The following SLC10A7 variants were observed in gnomAD, a reference collection of about 807,000 sequenced individuals.
The protein encoded by SLC10A7 is sodium/bile acid cotransporter 7.
Under a neutral mutation model 43.2 loss-of-function variants are expected in SLC10A7, and 29 were observed. That is an observed-to-expected ratio of 0.67 (90% CI 0.50 to 0.92). The LOEUF is 0.92. Among genes scored for constraint, SLC10A7 ranks in the 40% least tolerant of loss-of-function variants. SLC10A7 has a pLI of 0.00. For missense variants in SLC10A7, 295 were observed against 403.2 expected, an observed-to-expected ratio of 0.73 and a Z score of 2.30; for synonymous variants, 152 against 144.8, an observed-to-expected ratio of 1.05 and a Z score of -0.35.
At chr4:146,359,447 A>ACC (rs1446560068) in intron 5 of SLC10A7, among the ~76,000 whole-genome samples, 2 of 152,090 alleles carry the variant, frequency 1.3e-5, no homozygotes, top group African/African-American at 4.8e-5. Context: ...TAAGATGTTC[A>ACC]CCTATGTTTT....
chr4:146,383,008 C>T (rs1737741450), intron 5 of SLC10A7, among the ~76,000 whole-genome samples: 1 of 151,956 alleles, frequency 6.6e-6, no homozygotes, highest in South Asian at 2.1e-4. Flanking sequence ...TGCATGGCTC[C>T]CCGATTTTCT....
At chr4:146,264,399 T>C (rs1431590596) in intron 10 of SLC10A7, among the ~76,000 whole-genome samples, 3 of 152,228 alleles carry the variant, frequency 2.0e-5, no homozygotes, top group Admixed American at 6.5e-5. Flanking sequence ...CAACATAAAA[T>C]GATCTACTTT....
At chr4:146,259,207 T>A (rs186948928) in intron 10 of SLC10A7, among the ~76,000 whole-genome samples, 25 of 152,272 alleles carry the variant, frequency 1.6e-4, no homozygotes, top group Middle Eastern at 3.4e-3. Context: ...TGCTTAGTAG[T>A]GAGATAGTCT....
intron 5 of SLC10A7, among the ~76,000 whole-genome samples, chr4:146,388,823 A>G (rs1560861101): frequency 6.6e-6 from 1 of 152,116 alleles, no homozygotes; most frequent in Non-Finnish European, 1.5e-5. Flanking sequence ...TCTTCTGGAC[A>G]TTGACATAGG....
chr4:146,343,935 TGTCA>T (rs1560817041), intron 5 of SLC10A7, among the ~76,000 whole-genome samples: 1 of 152,048 alleles, frequency 6.6e-6, no homozygotes, highest in Non-Finnish European at 1.5e-5. Flanking sequence ...TCTTCGAGTC[TGTCA>T]ATCAGAGAAG....
At chr4:146,304,070 CA>C (rs33923015) in intron 7 of SLC10A7, among the ~76,000 whole-genome samples, 94,760 of 119,568 alleles carry the variant, frequency 0.79, 38,852 homozygotes, top group African/African-American at 0.94. Flanking sequence ...TCATAGAAAA[CA>C]AAAAAAATCC....
chr4:146,380,862 T>C (rs908704435), intron 5 of SLC10A7, among the ~76,000 whole-genome samples: 2 of 152,172 alleles, frequency 1.3e-5, no homozygotes, highest in Admixed American at 6.6e-5. Context: ...ACGATGTTTA[T>C]CTTGATTCCC....
intron 9 of SLC10A7, among the ~76,000 whole-genome samples, 170 bp from the exon 10 acceptor site, chr4:146,283,435 C>G (rs911460679): frequency 6.6e-6 from 1 of 152,104 alleles, no homozygotes; most frequent in African/African-American, 2.4e-5. Flanking sequence ...TTTTAGAGAA[C>G]TACTTCTGAG....
intron 5 of SLC10A7, among the ~76,000 whole-genome samples, chr4:146,390,240 T>C (rs921961609): frequency 7.2e-5 from 11 of 152,206 alleles, no homozygotes; most frequent in African/African-American, 2.4e-4. Context: ...TTTTATGGTT[T>C]CAGTGACAGA....
chr4:146,356,711 C>G (rs1363270045), intron 5 of SLC10A7, among the ~76,000 whole-genome samples: 1 of 152,110 alleles, frequency 6.6e-6, no homozygotes, highest in Non-Finnish European at 1.5e-5. Flanking sequence ...TTACCTCTAT[C>G]CCCCAACTAA....
chr4:146,394,081 T>C (rs1472182742), intron 5 of SLC10A7, among the ~76,000 whole-genome samples: 1 of 152,222 alleles, frequency 6.6e-6, no homozygotes, highest in Non-Finnish European at 1.5e-5. Flanking sequence ...TATTCTGTAT[T>C]ATTTCAGGAA....
intron 4 of SLC10A7, among the ~76,000 whole-genome samples, chr4:146,445,072 T>TA (rs1730922524): frequency 6.6e-6 from 1 of 152,156 alleles, no homozygotes; most frequent in Admixed American, 6.5e-5. Flanking sequence ...TCCATGAACA[T>TA]GTTTCTATCC....
At chr4:146,293,566 C>A (rs75809616) in intron 8 of SLC10A7, among the ~76,000 whole-genome samples, 9,192 of 152,188 alleles carry the variant, frequency 0.06, 377 homozygotes, top group South Asian at 0.17. Context: ...ATATATTATA[C>A]ATCCTGTTTT....
chr4:146,433,853 A>G (rs1270012241), intron 5 of SLC10A7, among the ~76,000 whole-genome samples: 1 of 152,172 alleles, frequency 6.6e-6, no homozygotes, highest in Non-Finnish European at 1.5e-5. Context: ...CCCTGTCTCA[A>G]AAAAATAAAG....
At chr4:146,269,413 C>T (rs953052458) in intron 10 of SLC10A7, among the ~76,000 whole-genome samples, 9 of 152,142 alleles carry the variant, frequency 5.9e-5, no homozygotes, top group African/African-American at 1.9e-4. Context: ...GGGGTCACCA[C>T]GTTTATGGAG....
At chr4:146,489,650 A>C (rs1735219589) in intron 4 of SLC10A7, among the ~76,000 whole-genome samples, 1 of 152,142 alleles carries the variant, frequency 6.6e-6, no homozygotes, top group Admixed American at 6.5e-5. Context: ...TGCCTTCTAG[A>C]ATTGTGCATC....
intron 5 of SLC10A7, among the ~76,000 whole-genome samples, chr4:146,337,332 T>C (rs903102499): frequency 2.0e-5 from 3 of 152,048 alleles, no homozygotes; most frequent in Non-Finnish European, 4.4e-5. Context: ...GCCTCCACCA[T>C]GGGCACACAG....
At chr4:146,399,317 C>A (rs1257197572) in intron 5 of SLC10A7, among the ~76,000 whole-genome samples, 1 of 152,050 alleles carries the variant, frequency 6.6e-6, no homozygotes, top group African/African-American at 2.4e-5. Flanking sequence ...ACAGGGCTTA[C>A]TGGTTGGGAT....
At chr4:146,373,990 T>C (rs1736979917) in intron 5 of SLC10A7, among the ~76,000 whole-genome samples, 1 of 152,168 alleles carries the variant, frequency 6.6e-6, no homozygotes, top group South Asian at 2.1e-4. Context: ...TGGTTACCTA[T>C]GGAGCATACA....
Sources: allele counts gnomAD v4.1 joint callset (sites outside exome capture counted in the v4.1 genomes callset), GRCh38; gene constraint gnomAD v4.1.1; transcripts MANE v1.5; gene names NCBI Gene and HGNC (gene_info 2026-07-23, HGNC 2026-07-21).